CAMTA1: variants seen among roughly 807,000 people sequenced by gnomAD.
CAMTA1 encodes the protein calmodulin-binding transcription activator 1.
In CAMTA1, 27 loss-of-function variants were observed where a neutral mutation model predicts 170.9. The observed-to-expected ratio is 0.16, with a 90% CI of 0.12 to 0.22. The LOEUF (loss-of-function observed/expected upper bound fraction) is 0.22. Ranked by LOEUF, CAMTA1 falls within the 10% of genes least tolerant of loss-of-function variation. The pLI, the probability that CAMTA1 is intolerant of heterozygous loss-of-function variation, is 1.00. For synonymous variants in CAMTA1, 833 were observed against 891.5 expected, an observed-to-expected ratio of 0.93 and a Z score of 1.17; for missense variants, 1,619 against 2,217.2, an observed-to-expected ratio of 0.73 and a Z score of 5.42.
At chr1:7,415,644 T>C (rs2091108226) in intron 5 of CAMTA1, among the ~76,000 whole-genome samples, 1 of 152,224 alleles carries the variant, frequency 6.6e-6, no homozygotes, top group African/African-American at 2.4e-5. Flanking sequence ...ATTTTGAGCC[T>C]ATGTGTGTTT....
In CAMTA1 at chr1:7,768,596, A is replaced by T. The variant is rs1379005935; in HGVS notation, c.*2105A>T. ...CTCTTGGTGCCTTTTCTATAATTGT[A>T]CTTGTTTTTTAATTACTTCCTTTCA... On this transcript the variant is annotated 3_prime_UTR_variant, in exon 23 of 23. Coordinates refer to ENST00000303635, the MANE Select transcript of CAMTA1 (RefSeq NM_015215.4). 6.5e-6 allele frequency: 1 copy of T among 152,700 alleles called. No homozygotes were observed. The allele number at this position is 152,700 out of a possible 1,614,324, so 9.5% of individuals were successfully genotyped here.
rs1010695558 is a variant in CAMTA1, at chr1:6,918,412, G to T, written c.234+93202G>T. Among the ~76,000 whole-genome samples the T allele has an allele frequency of 2.6e-5, 4 of 152,246 alleles. No homozygotes were observed. ...AGCTGCCCTGCATCCATCATCCCAA[G>T]TGACAGAATTTACATCATTAATCAT... On this transcript the variant is annotated intron_variant, in intron 3 of 22. Coordinates refer to ENST00000303635, the MANE Select transcript of CAMTA1 (RefSeq NM_015215.4). The surrounding 1 kb of genome is among the most constrained non-coding windows in gnomAD (Gnocchi z 4.0).
intron 3 of CAMTA1, among the ~76,000 whole-genome samples, chr1:6,829,960 A>G (rs898279607): frequency 6.6e-6 from 1 of 152,162 alleles, no homozygotes; most frequent in Non-Finnish European, 1.5e-5. Flanking sequence ...TTAGGAAAGT[A>G]GTTTTGATTC....
chr1:7,639,146 T>TTTTTTTGTA (rs1354219779), intron 6 of CAMTA1, among the ~76,000 whole-genome samples: 24 of 151,466 alleles, frequency 1.6e-4, no homozygotes, highest in Non-Finnish European at 4.4e-5. Flanking sequence ...GCCCGGCTAA[T>TTTTTTTGTA]TTTTTTGTAT....
chr1:7,387,709 TTGGACACAGA>T (rs2088172941), intron 5 of CAMTA1, among the ~76,000 whole-genome samples: 1 of 152,174 alleles, frequency 6.6e-6, no homozygotes, highest in African/African-American at 2.4e-5. Flanking sequence ...TAGTGGGAGT[TTGGACACAGA>T]TGGGTAGGAG....
chr1:7,301,973 G>A (rs1384912183), intron 5 of CAMTA1, among the ~76,000 whole-genome samples: 2 of 152,130 alleles, frequency 1.3e-5, no homozygotes, highest in Admixed American at 6.5e-5. Context: ...CTGTGGCTTC[G>A]GGGGTAAACT....
At chr1:7,178,023 A>G (rs969513189) in intron 4 of CAMTA1, among the ~76,000 whole-genome samples, 1 of 151,226 alleles carries the variant, frequency 6.6e-6, no homozygotes, top group Non-Finnish European at 1.5e-5. Flanking sequence ...CTTCCCAAGC[A>G]CTGAGGCCTC....
intron 4 of CAMTA1, among the ~76,000 whole-genome samples, chr1:7,228,955 G>T (rs1304125240): frequency 6.6e-6 from 1 of 152,162 alleles, no homozygotes; most frequent in African/African-American, 2.4e-5. Context: ...GGGCCACAGA[G>T]CAGGCTGAGC....
intron 5 of CAMTA1, among the ~76,000 whole-genome samples, chr1:7,405,215 T>C (rs181525646): frequency 6.6e-6 from 1 of 152,224 alleles, no homozygotes; most frequent in African/African-American, 2.4e-5. Context: ...GATATCCCGG[T>C]AGAGGACCAG....
intron 3 of CAMTA1, among the ~76,000 whole-genome samples, chr1:7,086,283 G>C (rs1321148106): frequency 1.3e-5 from 2 of 152,020 alleles, no homozygotes; most frequent in South Asian, 2.1e-4. Context: ...GAAGCTAAGG[G>C]AGCCAGGGCA....
chr1:7,155,009 A>T (rs1436822303), intron 4 of CAMTA1, among the ~76,000 whole-genome samples: 1 of 152,104 alleles, frequency 6.6e-6, no homozygotes, highest in Non-Finnish European at 1.5e-5. Flanking sequence ...ACATCCCCTG[A>T]CCAGTTTGCA....
chr1:7,628,048 G>A (rs565599004), intron 6 of CAMTA1, among the ~76,000 whole-genome samples: 2 of 152,204 alleles, frequency 1.3e-5, no homozygotes, highest in Admixed American at 1.3e-4. Context: ...ACTGACTTTG[G>A]GGGAGGAAGA....
chr1:7,342,115 A>C (rs895841315), intron 5 of CAMTA1, among the ~76,000 whole-genome samples: 5 of 152,246 alleles, frequency 3.3e-5, no homozygotes, highest in African/African-American at 1.2e-4. Flanking sequence ...CATTGAAAAT[A>C]AATGGGCATG....
At chr1:7,103,613 ACACACGCAC>A (rs1199798113) in intron 4 of CAMTA1, among the ~76,000 whole-genome samples, 3 of 50,086 alleles carry the variant, frequency 6.0e-5, no homozygotes, top group African/African-American at 4.0e-4. Flanking sequence ...ACACAACTAC[ACACACGCAC>A]ACACAACTAC....
At chr1:7,453,683 A>C (rs1238163765) in intron 5 of CAMTA1, among the ~76,000 whole-genome samples, 3 of 152,256 alleles carry the variant, frequency 2.0e-5, no homozygotes, top group African/African-American at 7.2e-5. Flanking sequence ...TGCAGGCAAC[A>C]GGCTGGTCCC....
chr1:7,019,932 G>A (rs1178738746), intron 3 of CAMTA1, among the ~76,000 whole-genome samples: 1 of 152,240 alleles, frequency 6.6e-6, no homozygotes, highest in East Asian at 1.9e-4. Context: ...TTTCCCATGT[G>A]TGGTGTTTGT....
At chr1:7,376,015 C>T (rs759655050) in intron 5 of CAMTA1, among the ~76,000 whole-genome samples, 3 of 152,210 alleles carry the variant, frequency 2.0e-5, no homozygotes, top group Non-Finnish European at 2.9e-5. Flanking sequence ...CTCACCAGCT[C>T]GCTTCCCTCA....
chr1:7,029,049 G>A (rs1163226173), intron 3 of CAMTA1, among the ~76,000 whole-genome samples: 1 of 152,118 alleles, frequency 6.6e-6, no homozygotes, highest in Non-Finnish European at 1.5e-5. Flanking sequence ...TAACCCCTAT[G>A]AGCCTCAGTT....
intron 3 of CAMTA1, among the ~76,000 whole-genome samples, chr1:6,889,759 C>G (rs147001333): frequency 2.0e-5 from 3 of 152,114 alleles, no homozygotes; most frequent in Non-Finnish European, 2.9e-5. Context: ...GTTATCCATA[C>G]GACAACCCCT....
Sources: gnomAD v4.1 joint callset for allele counts (sites outside exome capture counted in the v4.1 genomes callset) on GRCh38, gnomAD v4.1.1 for gene constraint, Gnocchi (gnomAD v3.1) non-coding constraint, MANE v1.5 for transcripts, NCBI Gene and HGNC (gene_info 2026-07-23, HGNC 2026-07-21) for gene names.